Variants in XXYLT1 observed in about 807,000 individuals in gnomAD.
The protein encoded by XXYLT1 is UDP-xylose:alpha-xyloside alpha-1,3-xylosyltransferase.
In XXYLT1, 20 loss-of-function variants were observed where a neutral mutation model predicts 28.9. That is an observed-to-expected ratio of 0.69 (90% confidence interval 0.49 to 1.00). The LOEUF (loss-of-function observed/expected upper bound fraction) is 1.00. XXYLT1 is among the 50% of genes least tolerant of loss of function. The probability of loss-of-function intolerance (pLI) is 0.00; values close to 1 mark genes in which losing one functional copy is unlikely to be tolerated. For synonymous variants in XXYLT1, 257 were observed against 253.8 expected, an observed-to-expected ratio of 1.01 and a Z score of -0.12; for missense variants, 542 against 560.1, an observed-to-expected ratio of 0.97 and a Z score of 0.33.
Position 195,071,681 on chromosome 3 carries a change from G to C in XXYLT1, c.786-1570C>G, listed in dbSNP as rs1321801814. On this transcript the variant is annotated intron_variant, in intron 3 of 3. Coordinates refer to ENST00000310380, the MANE Select transcript of XXYLT1 (RefSeq NM_152531.5). ...AAGTCTGCGGTGATAGGGTCACACAGGGTTGGGATGCAGTGTGGCAGCTGT... is the reference window on the plus strand; with the variant it reads ...AAGTCTGCGGTGATAGGGTCACACACGGTTGGGATGCAGTGTGGCAGCTGT... Among the ~76,000 whole-genome samples, 11 of 152,218 alleles carry C rather than the reference G, an allele frequency of 7.2e-5. No individual in the cohort carries two copies. The East Asian group carries it at 2.1e-3, about 29-fold the overall frequency.
intron 1 of XXYLT1, among the ~76,000 whole-genome samples, chr3:195,237,511 C>T (rs547818866): frequency 2.0e-5 from 3 of 152,084 alleles, no homozygotes; most frequent in Admixed American, 6.6e-5. Flanking sequence ...AAACCAGGTA[C>T]TGTGATCGCT....
At chr3:195,152,838 T>C (rs1720350761) in intron 3 of XXYLT1, 1 of 152,286 alleles carries the variant, frequency 6.6e-6, no homozygotes, top group Middle Eastern at 3.2e-3. Flanking sequence ...GATTAAAATG[T>C]GTCTGCTTAC....
intron 3 of XXYLT1, among the ~76,000 whole-genome samples, chr3:195,144,401 C>T (rs995428802): frequency 3.3e-5 from 5 of 151,696 alleles, no homozygotes; most frequent in African/African-American, 9.7e-5. Context: ...TTTTGAGACA[C>T]AGTCTTGCCC....
At chr3:195,171,391 C>T (rs1214088166) in intron 2 of XXYLT1, among the ~76,000 whole-genome samples, 1 of 152,188 alleles carries the variant, frequency 6.6e-6, no homozygotes, top group African/African-American at 2.4e-5. Context: ...TATTTTTACC[C>T]GGTCACTTTC....
chr3:195,142,591 A>T (rs1394503007), intron 3 of XXYLT1, among the ~76,000 whole-genome samples: 1 of 152,260 alleles, frequency 6.6e-6, no homozygotes, highest in African/African-American at 2.4e-5. Flanking sequence ...AAAATAAGTT[A>T]TCCAGGAGAA....
At chr3:195,267,768 A>C (rs1022749742) in intron 1 of XXYLT1, among the ~76,000 whole-genome samples, 1 of 152,212 alleles carries the variant, frequency 6.6e-6, no homozygotes, top group African/African-American at 2.4e-5. Flanking sequence ...TACCAAGGAA[A>C]GAACACCAAA....
At chr3:195,244,858 A>C (rs532756961) in intron 1 of XXYLT1, among the ~76,000 whole-genome samples, 2 of 146,760 alleles carry the variant, frequency 1.4e-5, no homozygotes, top group East Asian at 4.2e-4. Context: ...CTCAAAAAAA[A>C]AAAAAACAAA....
chr3:195,221,001 A>T (rs1560159695), intron 2 of XXYLT1, among the ~76,000 whole-genome samples: 1 of 152,196 alleles, frequency 6.6e-6, no homozygotes, highest in Non-Finnish European at 1.5e-5. Flanking sequence ...GTGATAAACC[A>T]TGTACCCTTG....
chr3:195,070,019 A>G lies in XXYLT1; in HGVS notation c.878T>C (p.Met293Thr). ...GCGCATGGCCTCCAGGTTCAGCAAC[A>G]TCACCCCGCTGTTGAAGCCCGGCAG... The part of the protein sequence containing the change: ...EGLPGFNSGV[M>T]LLNLEAMRQS... Residue 293 changes from methionine (M) to threonine (T), a missense_variant, in exon 4 of 4, where the codon ATG (methionine) becomes ACG (threonine). Physicochemically the swap from Met to Thr is moderately conservative, Grantham distance 81 (BLOSUM62 -1). Transcript: ENST00000310380. The G allele has an allele frequency of 6.2e-7, 1 of 1,604,216 alleles. No homozygotes were observed. Among genetic ancestry groups the G allele is most frequent in the Non-Finnish European group, 8.5e-7 (1 of 1,179,650 alleles).
chr3:195,269,195 C>T (rs1318316606), intron 1 of XXYLT1, among the ~76,000 whole-genome samples: 1 of 152,230 alleles, frequency 6.6e-6, no homozygotes. Flanking sequence ...ATCTTCAAGG[C>T]GGTGTTTGGA....
chr3:195,147,572 A>G (rs1271096230), intron 3 of XXYLT1, among the ~76,000 whole-genome samples: 1 of 152,194 alleles, frequency 6.6e-6, no homozygotes, highest in Non-Finnish European at 1.5e-5. Flanking sequence ...CTATGTCTCA[A>G]ACAAACAAAC....
chr3:195,089,908 C>G (rs1716034497), intron 3 of XXYLT1, among the ~76,000 whole-genome samples: 1 of 152,110 alleles, frequency 6.6e-6, no homozygotes, highest in South Asian at 2.1e-4. Flanking sequence ...TTTAAAGCAA[C>G]AAAGATAAAA....
intron 1 of XXYLT1, among the ~76,000 whole-genome samples, chr3:195,268,328 G>T (rs1003331820): frequency 2.6e-5 from 4 of 152,152 alleles, no homozygotes; most frequent in Admixed American, 2.6e-4. Flanking sequence ...CTACTCAGGA[G>T]GCTGGGCCAG....
chr3:195,221,434 A>G (rs1202927741), intron 2 of XXYLT1, among the ~76,000 whole-genome samples: 1 of 152,256 alleles, frequency 6.6e-6, no homozygotes, highest in African/African-American at 2.4e-5. Flanking sequence ...TCTTGCAAAC[A>G]GTAGCGCTTA....
rs2108865082 is a variant in XXYLT1, at chr3:195,270,909, G to A, written c.150C>T (p.Ser50=). ...YLGSGRETFS[S]ATKRLKEARA... ...GGGCCTCCTTCAGCCTCTTGGTGGC[G>A]CTGGAGAAGGTCTCCCGGCCTGAGC... Residue 50 remains serine, a synonymous_variant, in exon 1 of 4, where the codon AGC becomes AGT. Transcript: ENST00000310380. 3 of 1,478,860 alleles carry A rather than the reference G, an allele frequency of 2.0e-6. No individual in the cohort carries two copies. Among genetic ancestry groups the A allele is most frequent in the Non-Finnish European group, 2.7e-6 (3 of 1,116,762 alleles). The allele number at this position is 1,478,860 out of a possible 1,614,324, so 91.6% of individuals were successfully genotyped here. A position where few individuals can be genotyped will look rare whatever the true frequency, so the allele number is the denominator to read the frequency against.
intron 2 of XXYLT1, among the ~76,000 whole-genome samples, chr3:195,160,454 G>A (rs1321928570): frequency 6.6e-6 from 1 of 152,212 alleles, no homozygotes; most frequent in Non-Finnish European, 1.5e-5. Flanking sequence ...GGGAAATGAT[G>A]ACAGCATTAA....
rs901571692 is a variant in XXYLT1, at chr3:195,129,127, A to C, written c.785+27322T>G. Among the ~76,000 whole-genome samples, 1 of 152,206 alleles carries C rather than the reference A, an allele frequency of 6.6e-6. No individual in the cohort carries two copies. The highest frequency in any genetic ancestry group is 1.5e-5 in the Non-Finnish European group (1 of 68,030). On this transcript the variant is annotated intron_variant, in intron 3 of 3. Coordinates refer to ENST00000310380, the MANE Select transcript of XXYLT1 (RefSeq NM_152531.5). This position sits in a 1 kb window ranked among gnomAD's most constrained non-coding sequence, Gnocchi z 4.4. ...CTGGAAAAAATATTGTGTGGGGGGA[A>C]GGTCGCGGCTAACATAGAGAGGGAC...
chr3:195,269,118 G>A (rs545474739), intron 1 of XXYLT1, among the ~76,000 whole-genome samples: 2 of 152,378 alleles, frequency 1.3e-5, no homozygotes, highest in Admixed American at 1.3e-4. Flanking sequence ...GCTGCAGCGG[G>A]AGCTGGGGAC....
intron 1 of XXYLT1, among the ~76,000 whole-genome samples, chr3:195,260,791 C>T (rs1316087108): frequency 6.6e-6 from 1 of 152,216 alleles, no homozygotes; most frequent in Non-Finnish European, 1.5e-5. Flanking sequence ...GGACGGGGGA[C>T]ACTACGCCCA....
Sources: gnomAD v4.1 joint callset for allele counts (sites outside exome capture counted in the v4.1 genomes callset) on GRCh38, gnomAD v4.1.1 for gene constraint, Gnocchi (gnomAD v3.1) non-coding constraint, MANE v1.5 for transcripts, NCBI Gene and HGNC (gene_info 2026-07-23, HGNC 2026-07-21) for gene names.